The following CELF1 variants were observed in gnomAD, a reference collection of about 807,000 sequenced individuals.
CELF1 encodes the protein 50 kDa nuclear polyadenylated RNA-binding protein.
CELF1 carries 10 observed loss-of-function variants against 61.8 expected under a neutral mutation model. That is an observed-to-expected ratio of 0.16 (90% CI 0.10 to 0.27). CELF1 has a LOEUF of 0.27. Among genes scored for constraint, CELF1 ranks in the 10% least tolerant of loss-of-function variants. CELF1 has a pLI of 1.00. For synonymous variants in CELF1, 236 were observed against 225.1 expected, an observed-to-expected ratio of 1.05 and a Z score of -0.43; for missense variants, 380 against 639.1, an observed-to-expected ratio of 0.59 and a Z score of 4.37.
intron 1 of CELF1, among the ~76,000 whole-genome samples, chr11:47,526,117 G>A (rs952099701): frequency 1.3e-5 from 2 of 151,976 alleles, no homozygotes; most frequent in Admixed American, 6.6e-5. Flanking sequence ...ATCACCTCAG[G>A]TCCGGAGTTC....
At position 47,487,143 on chromosome 11, in the gene CELF1, G is replaced by C. The variant is rs2087896861; in HGVS notation, c.342+16C>G. Reference sequence around the variant, plus strand: ...AAAGTTACCACATTTCCATTTACTAGTGGGAGCTTTCTTACCCCTGGGAGG... The same window carrying C: ...AAAGTTACCACATTTCCATTTACTACTGGGAGCTTTCTTACCCCTGGGAGG... On this transcript the variant is annotated intron_variant, in intron 5 of 14. Coordinates refer to ENST00000687097, the MANE Select transcript of CELF1 (RefSeq NM_001376376.1). 3.8e-6 allele frequency: 6 copies of C among 1,588,988 alleles called. No homozygotes were observed. Among genetic ancestry groups the C allele is most frequent in the African/African-American group, 1.3e-5 (1 of 74,392 alleles).
At chr11:47,550,049 T>C (rs958582579) in intron 1 of CELF1, among the ~76,000 whole-genome samples, 20 of 151,686 alleles carry the variant, frequency 1.3e-4, no homozygotes, top group Admixed American at 8.5e-4. Flanking sequence ...ACTCCTGACC[T>C]CGTGATCCGC....
At chr11:47,555,514 T>A (rs909149911), upstream of CELF1, among the ~76,000 whole-genome samples, 1 of 152,128 alleles carries the variant, frequency 6.6e-6, no homozygotes, top group Non-Finnish European at 1.5e-5. Context: ...GGCCACAGAC[T>A]GTTAGCCCAA....
intron 1 of CELF1, among the ~76,000 whole-genome samples, chr11:47,546,798 C>T (rs2096963455): frequency 6.6e-6 from 1 of 152,036 alleles, no homozygotes; most frequent in Non-Finnish European, 1.5e-5. Flanking sequence ...GGCACAGTGG[C>T]TCACACCTGT....
At chr11:47,537,169 G>A (rs966622860) in intron 1 of CELF1, among the ~76,000 whole-genome samples, 1 of 151,978 alleles carries the variant, frequency 6.6e-6, no homozygotes, top group African/African-American at 2.4e-5. Context: ...GAGTTGTCTA[G>A]GAGCCTTCTG....
chr11:47,488,730 T>A (rs894547387), intron 4 of CELF1, 107 bp downstream of exon 4: 11 of 801,922 alleles, frequency 1.4e-5, no homozygotes, highest in African/African-American at 5.4e-5. Context: ...ATGAAAGAAA[T>A]TACATATAAA....
At chr11:47,534,298 G>A (rs2096575046) in intron 1 of CELF1, among the ~76,000 whole-genome samples, 1 of 150,978 alleles carries the variant, frequency 6.6e-6, no homozygotes, top group Non-Finnish European at 1.5e-5. Flanking sequence ...CCAAAGTGCT[G>A]GGATTACAGG....
intron 1 of CELF1, among the ~76,000 whole-genome samples, chr11:47,541,757 C>A (rs371417527): frequency 0.049 from 569 of 11,662 alleles, 97 homozygotes; most frequent in African/African-American, 0.088. Context: ...AAAGAAAGAA[C>A]GAAAGAAAGA....
Position 47,468,618 on chromosome 11 carries a change from T to A in CELF1, c.*3612A>T, listed in dbSNP as rs551554566. 2.0e-4 allele frequency: 31 copies of A among 152,440 alleles called. No individual in the cohort carries two copies. Among genetic ancestry groups the A allele is most frequent in the South Asian group, 1.0e-3 (5 of 4,820 alleles). The allele number at this position is 152,440 out of a possible 1,614,324, so 9.4% of individuals were successfully genotyped here. On this transcript the variant is annotated 3_prime_UTR_variant, in exon 15 of 15. Transcript: ENST00000687097. ...AAGTTCTAGAAAAATAGATTTTTTT[T>A]ATATTCAAATGCAAGTTTAAATATT...
At chr11:47,559,369 T>G (rs985245701) in intron 2 of CELF1, among the ~76,000 whole-genome samples, 1 of 150,852 alleles carries the variant, frequency 6.6e-6, no homozygotes, top group Non-Finnish European at 1.5e-5. Context: ...CTGGCCTTTT[T>G]TTTTTTTGTG....
intron 1 of CELF1, among the ~76,000 whole-genome samples, chr11:47,548,353 G>A (rs1350365709): frequency 6.6e-6 from 1 of 151,972 alleles, no homozygotes; most frequent in Admixed American, 6.6e-5. Context: ...AAAACTCCTA[G>A]AAGAAAATAT....
At chr11:47,519,451 G>A (rs1041661839) in intron 1 of CELF1, among the ~76,000 whole-genome samples, 2 of 151,894 alleles carry the variant, frequency 1.3e-5, no homozygotes, top group Non-Finnish European at 2.9e-5. Context: ...CTGCACTCCA[G>A]CCTGTGTGAC....
At chr11:47,495,828 A>C (rs2092989101) in intron 3 of CELF1, 1 of 238,890 alleles carries the variant, frequency 4.2e-6, no homozygotes, top group African/African-American at 2.3e-5. Context: ...AGACCTTCAA[A>C]CGGGACCTGT....
chr11:47,509,933 G>A (rs2094942071), intron 1 of CELF1, among the ~76,000 whole-genome samples: 1 of 151,416 alleles, frequency 6.6e-6, no homozygotes, highest in Non-Finnish European at 1.5e-5. Flanking sequence ...ATGGTGGCGT[G>A]CACCTGTAAT....
intron 1 of CELF1, among the ~76,000 whole-genome samples, chr11:47,550,026 A>T (rs544995882): frequency 2.0e-5 from 3 of 151,850 alleles, no homozygotes; most frequent in African/African-American, 7.2e-5. Flanking sequence ...CATATTGGCC[A>T]GGCTGGTCTC....
At chr11:47,507,851 T>C (rs1017429593) in intron 1 of CELF1, among the ~76,000 whole-genome samples, 1 of 152,182 alleles carries the variant, frequency 6.6e-6, no homozygotes, top group African/African-American at 2.4e-5. Context: ...GTTTCCAATT[T>C]TGCTAATAAA....
At position 47,482,663 on chromosome 11, in the gene CELF1, C is replaced by G. The variant is rs773687016; in HGVS notation, c.768+32G>C. On this transcript the variant is annotated intron_variant, in intron 9 of 14. Coordinates refer to ENST00000687097, the MANE Select transcript of CELF1 (RefSeq NM_001376376.1). ...AAGAAGGAACAGCTGGGAGCTTGCA[C>G]AGTCTGCAGAAAGCAAACCACAAAG... 5 of 1,597,902 alleles carry G rather than the reference C, an allele frequency of 3.1e-6. No individual in the cohort carries two copies. In the South Asian group the frequency reaches 4.5e-5, roughly 14 times the overall value.
At chr11:47,537,277 T>C (rs971341640) in intron 1 of CELF1, among the ~76,000 whole-genome samples, 26 of 147,172 alleles carry the variant, frequency 1.8e-4, no homozygotes, top group Admixed American at 3.5e-4. Context: ...GGACAGAGTC[T>C]CACTCTGTCG....
chr11:47,535,183 C>T (rs374289240), intron 1 of CELF1, among the ~76,000 whole-genome samples: 1 of 151,974 alleles, frequency 6.6e-6, no homozygotes, highest in Admixed American at 6.6e-5. Flanking sequence ...AGAAAAGTAC[C>T]TGGCACAAAT....
Sources: gnomAD v4.1 joint callset for allele counts (sites outside exome capture counted in the v4.1 genomes callset) on GRCh38, gnomAD v4.1.1 for gene constraint, MANE v1.5 for transcripts, NCBI Gene and HGNC (gene_info 2026-07-23, HGNC 2026-07-21) for gene names.